Variants in RAP2A observed in about 807,000 individuals in gnomAD.
The protein encoded by RAP2A is RAP2A, member of RAS oncogene family.
RAP2A carries 5 observed loss-of-function variants against 15.1 expected under a neutral mutation model. That is an observed-to-expected ratio of 0.33 (90% CI 0.17 to 0.70). The LOEUF (loss-of-function observed/expected upper bound fraction) is 0.70, where lower values mean the gene tolerates loss of function less well. Among genes scored for constraint, RAP2A ranks in the 30% least tolerant of loss-of-function variants. The pLI, the probability that RAP2A is intolerant of heterozygous loss-of-function variation, is 0.68. For missense variants in RAP2A, 111 were observed against 240.3 expected (o/e 0.46, Z 3.56); for synonymous variants, 110 against 99.7 (o/e 1.10, Z -0.62).
At chr13:97,438,304 C>T (rs990024977) in intron 1 of RAP2A, among the ~76,000 whole-genome samples, 2 of 152,158 alleles carry the variant, frequency 1.3e-5, no homozygotes, top group Non-Finnish European at 2.9e-5. Flanking sequence ...GCTCTTATCC[C>T]TCCCTGCCTG....
At chr13:97,448,144 G>T (rs1438885419) in intron 1 of RAP2A, among the ~76,000 whole-genome samples, 1 of 152,096 alleles carries the variant, frequency 6.6e-6, no homozygotes, top group Non-Finnish European at 1.5e-5. Flanking sequence ...AGAGGGAAAG[G>T]TATCTATCCT....
chr13:97,437,072 C>T lies in RAP2A; in HGVS notation c.314+2288C>T, dbSNP rs535192312. On this transcript the variant is annotated intron_variant, in intron 1 of 1. Coordinates refer to ENST00000245304, the MANE Select transcript of RAP2A (RefSeq NM_021033.7). ...TCAGCACTTTTCAATAGAGATATAA[C>T]GTGAGCCACATATGTAATTTTAACA... 8.5e-5 allele frequency among the ~76,000 whole-genome samples: 13 copies of T among 152,174 alleles called. 1 individual carries two copies. Among genetic ancestry groups the T allele is most frequent in the African/African-American group, 3.1e-4 (13 of 41,498 alleles).
At chr13:97,443,685 C>T (rs977519041) in intron 1 of RAP2A, among the ~76,000 whole-genome samples, 28 of 152,178 alleles carry the variant, frequency 1.8e-4, no homozygotes, top group African/African-American at 6.8e-4. Context: ...AGCCACTGCC[C>T]CTGGTCCTAA....
At position 97,467,835 on chromosome 13, in the gene RAP2A, A is replaced by G. The variant is rs1045331719; in HGVS notation, c.*3393A>G. 2 of 152,638 alleles carry G rather than the reference A, an allele frequency of 1.3e-5. No homozygotes were observed. Among genetic ancestry groups the G allele is most frequent in the Non-Finnish European group, 2.9e-5 (2 of 68,042 alleles). The allele number at this position is 152,638 out of a possible 1,614,324, so 9.5% of individuals were successfully genotyped here. ...TAATTGTTGCGCTCTAATACAACTG[A>G]CCATTTAAAATTGAACAAGTTTATT... is the stretch of plus-strand genomic sequence containing the variant. On this transcript the variant is annotated 3_prime_UTR_variant, in exon 2 of 2. Transcript: ENST00000245304.
At chr13:97,461,988 A>ATTTT (rs1555326909) in intron 1 of RAP2A, among the ~76,000 whole-genome samples, 7 of 144,212 alleles carry the variant, frequency 4.9e-5, no homozygotes, top group South Asian at 4.2e-4. Flanking sequence ...ATATATATAT[A>ATTTT]TTTATATATT....
chr13:97,464,538 T>G lies in RAP2A; in HGVS notation c.*96T>G, dbSNP rs1443364818. The G allele has an allele frequency of 1.3e-5, 15 of 1,133,594 alleles. No homozygotes were observed. Among genetic ancestry groups the G allele is most frequent in the Non-Finnish European group, 1.8e-5 (14 of 762,804 alleles). The allele number at this position is 1,133,594 out of a possible 1,614,324, so 70.2% of individuals were successfully genotyped here. A position where few individuals can be genotyped will look rare whatever the true frequency, so the allele number is the denominator to read the frequency against. ...TGCAGAACTTGCAGAATGCGTGGTG[T>G]TAATCTACAGAGAACTGCAGCCCTT... On this transcript the variant is annotated 3_prime_UTR_variant, in exon 2 of 2. Coordinates refer to ENST00000245304, the MANE Select transcript of RAP2A (RefSeq NM_021033.7).
chr13:97,466,178 T>G lies in RAP2A; in HGVS notation c.*1736T>G, dbSNP rs1309427988. The G allele has an allele frequency of 8.6e-5, 13 of 151,418 alleles. 1 individual carries two copies. The highest frequency in any genetic ancestry group is 7.9e-4 in the Admixed American group (12 of 15,176). 9.4% of individuals were successfully genotyped at this position (151,418 alleles called of 1,614,324 possible). ...ATGAAATCATTGGTAGCCCCCCAAG[T>G]GTTTAATAACTGGCATTAAGCTTAG... On this transcript the variant is annotated 3_prime_UTR_variant, in exon 2 of 2. Transcript: ENST00000245304.
intron 1 of RAP2A, among the ~76,000 whole-genome samples, chr13:97,452,670 A>AC (rs71117647): frequency 6.7e-6 from 1 of 149,628 alleles, no homozygotes; most frequent in Non-Finnish European, 1.5e-5. Flanking sequence ...ACACACACAC[A>AC]ACCAACGGAA....
At chr13:97,442,430 A>G (rs976504978) in intron 1 of RAP2A, among the ~76,000 whole-genome samples, 19 of 152,190 alleles carry the variant, frequency 1.2e-4, no homozygotes, top group African/African-American at 3.9e-4. Context: ...CAAATATTGG[A>G]AAAAATTAAT....
chr13:97,450,017 A>T (rs1259507958), intron 1 of RAP2A, among the ~76,000 whole-genome samples: 2 of 152,014 alleles, frequency 1.3e-5, no homozygotes, highest in Admixed American at 1.3e-4. Flanking sequence ...TGATTTAGAA[A>T]TGATAAATAT....
At position 97,434,331 on chromosome 13, in the gene RAP2A, A is replaced by C; in HGVS notation, c.-140A>C. ...GTTGCCGCCGCCGCCGCCGGCGCCC[A>C]GGGGGCCGCCGCGGCTGTGAGGTGG... On this transcript the variant is annotated 5_prime_UTR_variant, in exon 1 of 2. Transcript: ENST00000245304. 1.2e-5 allele frequency: 7 copies of C among 566,440 alleles called. No homozygotes were observed. The highest frequency in any genetic ancestry group is 1.7e-4 in the East Asian group (1 of 5,724). The allele number at this position is 566,440 out of a possible 1,614,324, so 35.1% of individuals were successfully genotyped here.
chr13:97,460,131 A>G (rs140122067), intron 1 of RAP2A, among the ~76,000 whole-genome samples: 34 of 152,336 alleles, frequency 2.2e-4, no homozygotes, highest in African/African-American at 7.7e-4. Context: ...GAGTCAGAGC[A>G]TGCTGGCAGT....
chr13:97,467,147 T>G lies in RAP2A; in HGVS notation c.*2705T>G, dbSNP rs1023773959. 6.6e-6 allele frequency: 1 copy of G among 152,484 alleles called. No homozygotes were observed. Among genetic ancestry groups the G allele is most frequent in the Non-Finnish European group, 1.5e-5 (1 of 68,014 alleles). The allele number at this position is 152,484 out of a possible 1,614,324, so 9.4% of individuals were successfully genotyped here. On this transcript the variant is annotated 3_prime_UTR_variant, in exon 2 of 2. Transcript: ENST00000245304. ...CTTTAGCTCTTGTGATAAGATTTTC[T>G]TTTTTTTACTTTTATACAAAGGCAG...
intron 1 of RAP2A, among the ~76,000 whole-genome samples, chr13:97,452,030 G>T (rs1409854717): frequency 6.6e-6 from 1 of 151,138 alleles, no homozygotes; most frequent in Non-Finnish European, 1.5e-5. Context: ...CTGGACACAA[G>T]TTCTTTATTA....
Position 97,438,509 on chromosome 13 carries a change from C to G in RAP2A, c.314+3725C>G, listed in dbSNP as rs1012735612. Among the ~76,000 whole-genome samples, 3 of 152,122 alleles carry G rather than the reference C, an allele frequency of 2.0e-5. 1 individual carries two copies. The highest frequency in any genetic ancestry group is 3.9e-4 in the East Asian group (2 of 5,180). Reference sequence around the variant, plus strand: ...GTTGCAAATGTTTTTTGTGAAATATCAGACCTTAGCAATGACCTTGAACAG... The same window carrying G: ...GTTGCAAATGTTTTTTGTGAAATATGAGACCTTAGCAATGACCTTGAACAG... On this transcript the variant is annotated intron_variant, in intron 1 of 1. Transcript: ENST00000245304.
intron 1 of RAP2A, among the ~76,000 whole-genome samples, chr13:97,446,534 T>C (rs1301452925): frequency 6.6e-6 from 1 of 152,212 alleles, no homozygotes; most frequent in Non-Finnish European, 1.5e-5. Context: ...CCTCTCCCTT[T>C]GAGTCTGTGC....
intron 1 of RAP2A, among the ~76,000 whole-genome samples, chr13:97,461,506 T>G (rs2153180428): frequency 6.6e-6 from 1 of 152,338 alleles, no homozygotes; most frequent in Non-Finnish European, 1.5e-5. Flanking sequence ...AATATTTTAT[T>G]TACTGTTTTG....
chr13:97,464,425 G>T lies in RAP2A; in HGVS notation c.535G>T (p.Ala179Ser), dbSNP rs1388319473. 6.2e-7 allele frequency: 1 copy of T among 1,614,012 alleles called. No individual in the cohort carries two copies. Among genetic ancestry groups the T allele is most frequent in the Non-Finnish European group, 8.5e-7 (1 of 1,179,958 alleles). ...TGACAAAGATGACCCATGCTGTTCT[G>T]CATGTAACATACAATAGCATCCAAA... ...QPDKDDPCCSACNIQ is the reference protein window; with the variant it reads ...QPDKDDPCCSSCNIQ Residue 179 changes from alanine (A) to serine (S), a missense_variant, in exon 2 of 2, where the codon GCA becomes TCA. Ala to Ser is a moderately conservative substitution (Grantham distance 99). Around this residue, in one of 3 missense-constraint regions of RAP2A, gnomAD observed 74 missense variants for 132.3 expected, o/e 0.56. Transcript: ENST00000245304.
chr13:97,447,498 G>A (rs2066684597), intron 1 of RAP2A, among the ~76,000 whole-genome samples: 1 of 152,110 alleles, frequency 6.6e-6, no homozygotes, highest in African/African-American at 2.4e-5. Flanking sequence ...AATATTTGTT[G>A]AATTTATAAG....
Sources: gnomAD v4.1 joint callset for allele counts (sites outside exome capture counted in the v4.1 genomes callset) on GRCh38, gnomAD v4.1.1 for gene constraint, gnomAD v4.1.1 regional missense constraint, MANE v1.5 for transcripts, NCBI Gene and HGNC (gene_info 2026-07-23, HGNC 2026-07-21) for gene names.